Variants in PCDHGA6 observed in about 807,000 individuals in gnomAD.
The protein encoded by PCDHGA6 is protocadherin gamma subfamily A, 6, also known as protocadherin gamma-A6.
Under a neutral mutation model 60.6 loss-of-function variants are expected in PCDHGA6, and 41 were observed. The observed-to-expected ratio is 0.68, with a 90% CI of 0.53 to 0.88. The LOEUF (loss-of-function observed/expected upper bound fraction) is 0.88. Among genes scored for constraint, PCDHGA6 ranks in the 40% least tolerant of loss-of-function variants. The probability of loss-of-function intolerance (pLI) is 0.00; values close to 1 mark genes in which losing one functional copy is unlikely to be tolerated. For missense variants in PCDHGA6, 1,312 were observed against 1,203.0 expected, an observed-to-expected ratio of 1.09 and a Z score of -1.34; for synonymous variants, 594 against 524.4, an observed-to-expected ratio of 1.13 and a Z score of -1.81.
intron 1 of PCDHGA6, chr5:141,395,188 T>C (rs1188356077): frequency 6.2e-7 from 1 of 1,614,128 alleles, no homozygotes; most frequent in East Asian, 2.2e-5. Flanking sequence ...GATTCTTTGT[T>C]AACATCCGTA....
Position 141,432,253 on chromosome 5 carries a change from G to A in PCDHGA6, c.2424+55746G>A, listed in dbSNP as rs1193159615. ...CCCTGGCTGAGAACACCATCCAAGGGGCAAGCCTATCGTCCTACGTGTCCA... is the reference window on the plus strand; with the variant it reads ...CCCTGGCTGAGAACACCATCCAAGGAGCAAGCCTATCGTCCTACGTGTCCA... On this transcript the variant is annotated intron_variant, in intron 1 of 3. Coordinates refer to ENST00000517434, the MANE Select transcript of PCDHGA6 (RefSeq NM_018919.3). The surrounding 1 kb of genome is among the most constrained non-coding windows in gnomAD (Gnocchi z 6.0). 2.5e-6 allele frequency: 4 copies of A among 1,614,086 alleles called. No individual in the cohort carries two copies. Among genetic ancestry groups the A allele is most frequent in the Non-Finnish European group, 3.4e-6 (4 of 1,180,046 alleles).
intron 1 of PCDHGA6, among the ~76,000 whole-genome samples, chr5:141,461,376 T>C (rs2099014225): frequency 6.6e-6 from 1 of 152,184 alleles, no homozygotes; most frequent in South Asian, 2.1e-4. Context: ...AATTTGCATT[T>C]TCCTGATGAT....
chr5:141,462,240 A>G (rs375419703), intron 1 of PCDHGA6, among the ~76,000 whole-genome samples: 2 of 152,216 alleles, frequency 1.3e-5, no homozygotes, highest in South Asian at 4.1e-4. Context: ...GATTACAGGT[A>G]TGAGCCACCA....
chr5:141,415,045 G>T, intron 1 of PCDHGA6: 1 of 1,613,538 alleles, frequency 6.2e-7, no homozygotes, highest in East Asian at 2.2e-5. Context: ...CTTCGCGGTG[G>T]GGGAGCACAC....
chr5:141,394,537 T>C, intron 1 of PCDHGA6: 1 of 1,614,146 alleles, frequency 6.2e-7, no homozygotes, highest in Non-Finnish European at 8.5e-7. Flanking sequence ...TCCACTGGCG[T>C]GGAGCTGGCG....
intron 1 of PCDHGA6, among the ~76,000 whole-genome samples, chr5:141,437,514 C>G (rs2097891371): frequency 6.6e-6 from 1 of 152,114 alleles, no homozygotes; most frequent in South Asian, 2.1e-4. Flanking sequence ...AATTATAAGG[C>G]TGATGACAAA....
At position 141,375,013 on chromosome 5, in the gene PCDHGA6, G is replaced by C; in HGVS notation, c.930G>C (p.Glu310Asp). ...CAACTTCTGCAAATCTAGACTATGA[G>C]GACTCGAGTTTTTATGAGCTGGGTG... is the stretch of plus-strand genomic sequence containing the variant. Reference protein sequence around the residue: ...EISTSANLDYEDSSFYELGVE... With the variant: ...EISTSANLDYDDSSFYELGVE... The change falls in exon 1 of 4, where the codon GAG becomes GAC. Residue 310 changes from glutamate to aspartate, a missense_variant. Transcript: ENST00000517434. 1.2e-6 allele frequency: 2 copies of C among 1,614,004 alleles called. No homozygotes were observed. The highest frequency in any genetic ancestry group is 1.7e-6 in the Non-Finnish European group (2 of 1,179,888).
chr5:141,461,334 G>T (rs558562450), intron 1 of PCDHGA6, among the ~76,000 whole-genome samples: 75 of 152,166 alleles, frequency 4.9e-4, no homozygotes, highest in African/African-American at 1.7e-3. Flanking sequence ...GGCCATTCTT[G>T]CAGGACCAAG....
intron 1 of PCDHGA6, chr5:141,421,617 C>A (rs781622911): frequency 6.2e-7 from 1 of 1,613,768 alleles, no homozygotes; most frequent in South Asian, 1.1e-5. Flanking sequence ...TTAATGATAA[C>A]GCCCCCAGCT....
rs751345684 is a variant in PCDHGA6 at position 141,398,995 on chromosome 5, C to G, written c.2424+22488C>G. ...CTACAGAACCGGGCAAATCTTTAGT[C>G]TGAATTCAAAGAGCGGAGAAATTAC... On this transcript the variant is annotated intron_variant, in intron 1 of 3. Transcript: ENST00000517434. 2.5e-5 allele frequency: 41 copies of G among 1,613,782 alleles called. No homozygotes were observed. The East Asian group carries it at 8.7e-4, about 34-fold the overall frequency.
chr5:141,404,109 TCCAGGAGAATCTATCTTTTA>T, intron 1 of PCDHGA6: 1 of 1,613,518 alleles, frequency 6.2e-7, no homozygotes, highest in East Asian at 2.2e-5. Flanking sequence ...GTCTGTTCTA[TCCAGGAGAATCTATCTTTTA>T]CATTAGAAAA....
chr5:141,397,974 C>A (rs1248429844), intron 1 of PCDHGA6: 3 of 1,174,340 alleles, frequency 2.6e-6, no homozygotes, highest in African/African-American at 1.6e-5. Flanking sequence ...TCCCCAGCGC[C>A]GGCCTTTACA....
At chr5:141,470,838 C>T (rs142581300) in intron 1 of PCDHGA6, among the ~76,000 whole-genome samples, 5 of 152,222 alleles carry the variant, frequency 3.3e-5, no homozygotes, top group African/African-American at 7.2e-5. Flanking sequence ...CAAACACACG[C>T]CACCATGCTC....
chr5:141,476,137 G>A lies in PCDHGA6; in HGVS notation c.2425-18670G>A. The A allele has an allele frequency of 1.2e-6, 2 of 1,609,204 alleles. No homozygotes were observed. The highest frequency in any genetic ancestry group is 1.7e-6 in the Non-Finnish European group (2 of 1,178,592). On this transcript the variant is annotated intron_variant, in intron 1 of 3. Coordinates refer to ENST00000517434, the MANE Select transcript of PCDHGA6 (RefSeq NM_018919.3). The surrounding 1 kb of genome is among the most constrained non-coding windows in gnomAD (Gnocchi z 7.6). ...GTGAGATGGTCCCAGAGGCCTGGAGGAGCGGACTGGTAAGCACCGGGAGGG... is the reference window on the plus strand; with the variant it reads ...GTGAGATGGTCCCAGAGGCCTGGAGAAGCGGACTGGTAAGCACCGGGAGGG...
At chr5:141,384,441 G>A in intron 1 of PCDHGA6, 1 of 1,614,028 alleles carries the variant, frequency 6.2e-7, no homozygotes, top group African/African-American at 1.3e-5. Flanking sequence ...CTGGAGTCCT[G>A]TACGCGCTGC....
chr5:141,478,497 CGGTGTTCTATAGGCA>C, intron 1 of PCDHGA6: 1 of 1,612,820 alleles, frequency 6.2e-7, no homozygotes, highest in South Asian at 1.1e-5. Flanking sequence ...AGCTGTGATC[CGGTGTTCTATAGGCA>C]GGTGTTGGGT....
chr5:141,415,873 G>A lies in PCDHGA6; in HGVS notation c.2424+39366G>A, dbSNP rs905638480. The A allele has an allele frequency of 9.6e-6, 10 of 1,046,220 alleles. No homozygotes were observed. In the East Asian group the frequency reaches 1.8e-4, roughly 19 times the overall value. The allele number at this position is 1,046,220 out of a possible 1,614,324, so 64.8% of individuals were successfully genotyped here. A position where few individuals can be genotyped will look rare whatever the true frequency, so the allele number is the denominator to read the frequency against. On this transcript the variant is annotated intron_variant, in intron 1 of 3. Transcript: ENST00000517434. ...ACCTTGTAGTTTATAGTGTTGTTGA[G>A]TACAATATTGACAATTCCTAAGACA...
chr5:141,505,053 T>C (rs904041070), intron 2 of PCDHGA6, among the ~76,000 whole-genome samples: 2 of 152,108 alleles, frequency 1.3e-5, no homozygotes, highest in African/African-American at 4.8e-5. Context: ...TCCCAGCTAC[T>C]TGGGAGACTG....
rs749590670 is a variant in PCDHGA6, at chr5:141,415,328, A to T, written c.2424+38821A>T. 7.9e-5 allele frequency: 127 copies of T among 1,614,184 alleles called. No individual in the cohort carries two copies. The Admixed American group carries it at 1.9e-3, about 24-fold the overall frequency. ...GCCTTCGTCATCGTGCTGCTGGCGC[A>T]CAGGCTGCGGCGCTGGCACAAGTCA... On this transcript the variant is annotated intron_variant, in intron 1 of 3. Transcript: ENST00000517434.
Sources: gnomAD v4.1 joint callset for allele counts (sites outside exome capture counted in the v4.1 genomes callset) on GRCh38, gnomAD v4.1.1 for gene constraint, Gnocchi (gnomAD v3.1) non-coding constraint, MANE v1.5 for transcripts, NCBI Gene and HGNC (gene_info 2026-07-23, HGNC 2026-07-21) for gene names.